GABRB2: variants seen among roughly 807,000 people sequenced by gnomAD.
The protein encoded by GABRB2 is gamma-aminobutyric acid type A receptor subunit beta2.
Under a neutral mutation model 54.7 loss-of-function variants are expected in GABRB2, and 16 were observed. That is an observed-to-expected ratio of 0.29 (90% CI 0.20 to 0.44). GABRB2 has a LOEUF of 0.44. Ranked by LOEUF, GABRB2 falls within the 20% of genes least tolerant of loss-of-function variation. The pLI is 1.00. For missense variants in GABRB2, 355 were observed against 644.0 expected (o/e 0.55, Z 4.86); for synonymous variants, 244 against 233.8 (o/e 1.04, Z -0.40).
In GABRB2 at chr5:161,541,419, T is replaced by G. The variant is rs911213467; in HGVS notation, c.237+3808A>C. Reference sequence around the variant, plus strand: ...TTTGAAGCCAGGCATTGACTTCTCCTCTTTAGCTATGACAGTCTTAGATGT... The same window carrying G: ...TTTGAAGCCAGGCATTGACTTCTCCGCTTTAGCTATGACAGTCTTAGATGT... On this transcript the variant is annotated intron_variant, in intron 3 of 9. Coordinates refer to ENST00000393959, the MANE Select transcript of GABRB2 (RefSeq NM_001371727.1). 7.9e-5 allele frequency among the ~76,000 whole-genome samples: 12 copies of G among 152,212 alleles called. 1 individual carries two copies. The highest frequency in any genetic ancestry group is 1.6e-4 in the Non-Finnish European group (11 of 68,034).
intron 9 of GABRB2, among the ~76,000 whole-genome samples, chr5:161,318,916 C>G (rs1454578188): frequency 1.3e-5 from 2 of 151,812 alleles, no homozygotes; most frequent in East Asian, 3.9e-4. Flanking sequence ...TTCTTCCCTT[C>G]CATTACATTT....
At chr5:161,472,970 A>G (rs990001009) in intron 3 of GABRB2, among the ~76,000 whole-genome samples, 1 of 152,050 alleles carries the variant, frequency 6.6e-6, no homozygotes, top group Non-Finnish European at 1.5e-5. Flanking sequence ...GAATATAAGC[A>G]TAAAGTTATT....
At chr5:161,446,754 C>T (rs974077200) in intron 4 of GABRB2, among the ~76,000 whole-genome samples, 1 of 152,100 alleles carries the variant, frequency 6.6e-6, no homozygotes, top group African/African-American at 2.4e-5. Flanking sequence ...TTATGAAAGA[C>T]ACATGGCCCG....
chr5:161,369,987 C>A (rs1259679168), intron 5 of GABRB2, among the ~76,000 whole-genome samples: 1 of 152,062 alleles, frequency 6.6e-6, no homozygotes, highest in Admixed American at 6.6e-5. Context: ...TGCTGAAGAC[C>A]AACTCATGAC....
intron 5 of GABRB2, among the ~76,000 whole-genome samples, chr5:161,365,964 G>T (rs565932156): frequency 1.4e-4 from 21 of 151,160 alleles, no homozygotes; most frequent in Non-Finnish European, 1.6e-4. Flanking sequence ...TTATGCCTGG[G>T]GTTATACTTA....
chr5:161,454,478 T>C (rs963875778), intron 4 of GABRB2, among the ~76,000 whole-genome samples: 2 of 152,178 alleles, frequency 1.3e-5, no homozygotes, highest in African/African-American at 4.8e-5. Flanking sequence ...TCCCACTCTT[T>C]CTGTTCTACA....
At chr5:161,303,303 G>A (rs1757590011) in intron 9 of GABRB2, among the ~76,000 whole-genome samples, 2 of 152,194 alleles carry the variant, frequency 1.3e-5, no homozygotes, top group Admixed American at 1.3e-4. Flanking sequence ...TTGGCTCTAA[G>A]ATATGATGCT....
intron 9 of GABRB2, among the ~76,000 whole-genome samples, chr5:161,317,810 T>G (rs891480564): frequency 6.6e-6 from 1 of 152,044 alleles, no homozygotes; most frequent in Non-Finnish European, 1.5e-5. Context: ...TGGGTAAGAA[T>G]AAGAATAGGC....
intron 5 of GABRB2, among the ~76,000 whole-genome samples, chr5:161,349,035 C>T (rs1276902244): frequency 1.3e-5 from 2 of 152,066 alleles, no homozygotes; most frequent in Non-Finnish European, 2.9e-5. Context: ...TTAATTCACA[C>T]AAACAAGACT....
At chr5:161,388,884 C>T (rs548541708) in intron 5 of GABRB2, among the ~76,000 whole-genome samples, 1 of 151,986 alleles carries the variant, frequency 6.6e-6, no homozygotes, top group Non-Finnish European at 1.5e-5. Context: ...AAATCACATA[C>T]AATATCCATA....
chr5:161,516,583 C>T (rs188489496), intron 3 of GABRB2, among the ~76,000 whole-genome samples: 22 of 152,228 alleles, frequency 1.4e-4, no homozygotes, highest in African/African-American at 3.1e-4. Flanking sequence ...TCAAGGGCAA[C>T]GTTGTTTTTG....
intron 3 of GABRB2, among the ~76,000 whole-genome samples, chr5:161,523,758 A>G (rs1760188357): frequency 6.6e-6 from 1 of 151,478 alleles, no homozygotes; most frequent in East Asian, 1.9e-4. Flanking sequence ...TGAATATTCT[A>G]TTGTCACCTC....
At chr5:161,416,724 A>AAAAAAAAAC (rs1756686189) in intron 4 of GABRB2, among the ~76,000 whole-genome samples, 1 of 146,146 alleles carries the variant, frequency 6.8e-6, no homozygotes, top group Non-Finnish European at 1.5e-5. Flanking sequence ...AAAAAAAAAA[A>AAAAAAAAAC]ATTAGATGCC....
chr5:161,305,218 C>T (rs252976), intron 9 of GABRB2, among the ~76,000 whole-genome samples: 17,261 of 150,250 alleles, frequency 0.11, 1,071 homozygotes, highest in Non-Finnish European at 0.14. Flanking sequence ...GGGTTTCACC[C>T]TGTTAGCCAG....
At chr5:161,337,219 T>G (rs1382905611) in intron 5 of GABRB2, among the ~76,000 whole-genome samples, 1 of 152,100 alleles carries the variant, frequency 6.6e-6, no homozygotes, top group African/African-American at 2.4e-5. Context: ...GAACAATAAT[T>G]TAAACTATTA....
At chr5:161,498,728 T>A (rs1759332848) in intron 3 of GABRB2, among the ~76,000 whole-genome samples, 1 of 152,016 alleles carries the variant, frequency 6.6e-6, no homozygotes, top group Non-Finnish European at 1.5e-5. Context: ...AAGTCTGCCC[T>A]GACACACCAC....
intron 3 of GABRB2, among the ~76,000 whole-genome samples, chr5:161,523,556 T>C (rs1407886563): frequency 2.6e-5 from 4 of 151,584 alleles, no homozygotes; most frequent in African/African-American, 4.8e-5. Flanking sequence ...TAAGGTTAAG[T>C]TGAGGTTAAG....
At chr5:161,376,723 T>TA (rs1352148057) in intron 5 of GABRB2, among the ~76,000 whole-genome samples, 2 of 152,096 alleles carry the variant, frequency 1.3e-5, no homozygotes, top group African/African-American at 2.4e-5. Context: ...TGAATGTTCA[T>TA]AAAAAACAAT....
At chr5:161,313,798 A>T (rs1315137408) in intron 9 of GABRB2, among the ~76,000 whole-genome samples, 1 of 152,150 alleles carries the variant, frequency 6.6e-6, no homozygotes, top group East Asian at 1.9e-4. Flanking sequence ...GCGCTTTCCT[A>T]TCCTCACATA....
Sources: allele counts gnomAD v4.1 joint callset (sites outside exome capture counted in the v4.1 genomes callset), GRCh38; gene constraint gnomAD v4.1.1; transcripts MANE v1.5; gene names NCBI Gene and HGNC (gene_info 2026-07-23, HGNC 2026-07-21).